ZSWIM6: variants seen among roughly 807,000 people sequenced by gnomAD.
The protein encoded by ZSWIM6 is zinc finger SWIM domain-containing protein 6.
In ZSWIM6, 9 loss-of-function variants were observed where a neutral mutation model predicts 113.2. That is an observed-to-expected ratio of 0.08 (90% CI 0.05 to 0.14). The LOEUF (loss-of-function observed/expected upper bound fraction) is 0.14, where lower values mean the gene tolerates loss of function less well. Among genes scored for constraint, ZSWIM6 ranks in the 10% least tolerant of loss-of-function variants. ZSWIM6 has a pLI of 1.00. For missense variants in ZSWIM6, 1,162 were observed against 1,552.2 expected, an observed-to-expected ratio of 0.75 and a Z score of 4.22; for synonymous variants, 611 against 606.5, an observed-to-expected ratio of 1.01 and a Z score of -0.11.
At chr5:61,361,079 G>A (rs370893695) in intron 1 of ZSWIM6, among the ~76,000 whole-genome samples, 7 of 152,080 alleles carry the variant, frequency 4.6e-5, no homozygotes, top group African/African-American at 1.4e-4. Flanking sequence ...TGGGGGAGGG[G>A]GGTAAAGTCA....
In ZSWIM6 at chr5:61,421,080, AATTT is replaced by A. The variant is rs571007428; in HGVS notation, c.677-51588_677-51585del. 8.7e-4 allele frequency among the ~76,000 whole-genome samples: 132 copies of A among 151,662 alleles called. 1 individual carries two copies. The highest frequency in any genetic ancestry group is 6.8e-3 in the Middle Eastern group (2 of 294). ...AATTACCGGCGCACCCTGCTCAGCT[AATTT>A]ATTTATTTATTTTTTATTAGAGATG... On this transcript the variant is annotated intron_variant, in intron 1 of 13. Coordinates refer to ENST00000252744, the MANE Select transcript of ZSWIM6 (RefSeq NM_020928.2).
At chr5:61,382,590 G>C (rs2112082379) in intron 1 of ZSWIM6, among the ~76,000 whole-genome samples, 1 of 152,252 alleles carries the variant, frequency 6.6e-6, no homozygotes, top group Admixed American at 6.5e-5. Flanking sequence ...GACCACCTGA[G>C]GTCAGGAGTT....
At chr5:61,461,737 T>C (rs1242341956) in intron 1 of ZSWIM6, among the ~76,000 whole-genome samples, 2 of 152,060 alleles carry the variant, frequency 1.3e-5, no homozygotes, top group Admixed American at 1.3e-4. Flanking sequence ...TGAAAGCAGT[T>C]TTTTTTTCTT....
chr5:61,350,660 A>G (rs959752558), intron 1 of ZSWIM6, among the ~76,000 whole-genome samples: 11 of 152,196 alleles, frequency 7.2e-5, no homozygotes, highest in African/African-American at 2.7e-4. Context: ...CATTTTAGGT[A>G]CTTGCACTTA....
intron 1 of ZSWIM6, among the ~76,000 whole-genome samples, chr5:61,351,859 C>T (rs1744792350): frequency 2.0e-5 from 3 of 152,198 alleles, no homozygotes; most frequent in Non-Finnish European, 4.4e-5. Context: ...TTTGTACACA[C>T]ATGCATGTGT....
intron 5 of ZSWIM6, among the ~76,000 whole-genome samples, chr5:61,521,840 C>G (rs80205024): frequency 0.15 from 22,059 of 152,018 alleles, 1,745 homozygotes; most frequent in Non-Finnish European, 0.18. Flanking sequence ...CTTGATCAAT[C>G]CATGTTTGAT....
At chr5:61,379,185 GAAAAA>G (rs1211778480) in intron 1 of ZSWIM6, among the ~76,000 whole-genome samples, 2 of 38,592 alleles carry the variant, frequency 5.2e-5, no homozygotes, top group Admixed American at 3.3e-4. Flanking sequence ...TCCTGTCTCT[GAAAAA>G]AAAAAAAAAA....
intron 6 of ZSWIM6, 86 bp downstream of exon 6, chr5:61,526,062 T>G: frequency 1.3e-6 from 2 of 1,483,042 alleles, no homozygotes; most frequent in Non-Finnish European, 1.8e-6. Flanking sequence ...GGTGGAGAAC[T>G]GAAGGATTCA....
chr5:61,461,030 G>A (rs1321045527), intron 1 of ZSWIM6, among the ~76,000 whole-genome samples: 1 of 152,124 alleles, frequency 6.6e-6, no homozygotes, highest in African/African-American at 2.4e-5. Context: ...AGGCAGATGA[G>A]TAAAAATTAT....
intron 1 of ZSWIM6, among the ~76,000 whole-genome samples, chr5:61,382,164 C>G (rs1324208875): frequency 9.9e-5 from 15 of 152,176 alleles, no homozygotes. Flanking sequence ...CTGTGTCATG[C>G]ATGCCGATTC....
intron 5 of ZSWIM6, among the ~76,000 whole-genome samples, chr5:61,522,495 T>C (rs77042696): frequency 0.011 from 1,635 of 152,320 alleles, 18 homozygotes; most frequent in Middle Eastern, 0.027. Context: ...GATGTTAGTA[T>C]AGTGTTTTTA....
chr5:61,504,716 C>G (rs1466236761), intron 4 of ZSWIM6, among the ~76,000 whole-genome samples: 1 of 152,108 alleles, frequency 6.6e-6, no homozygotes, highest in East Asian at 1.9e-4. Context: ...TCTTGATTGT[C>G]TTTTGTCCTA....
At chr5:61,337,973 T>G (rs1744439753) in intron 1 of ZSWIM6, among the ~76,000 whole-genome samples, 1 of 152,140 alleles carries the variant, frequency 6.6e-6, no homozygotes, top group African/African-American at 2.4e-5. Flanking sequence ...CATATGTGTG[T>G]GTGTGTGTGC....
At chr5:61,447,772 C>T (rs1372761060) in intron 1 of ZSWIM6, among the ~76,000 whole-genome samples, 1 of 152,176 alleles carries the variant, frequency 6.6e-6, no homozygotes. Context: ...AAGCCAATCA[C>T]TGAGACAGTG....
intron 1 of ZSWIM6, among the ~76,000 whole-genome samples, chr5:61,361,642 A>C (rs890661546): frequency 9.9e-5 from 15 of 152,204 alleles, no homozygotes; most frequent in African/African-American, 3.4e-4. Flanking sequence ...GTTTGTTTCC[A>C]GGGAACCCCC....
intron 1 of ZSWIM6, among the ~76,000 whole-genome samples, chr5:61,381,567 A>G (rs1011250149): frequency 6.6e-6 from 1 of 152,200 alleles, no homozygotes; most frequent in Non-Finnish European, 1.5e-5. Context: ...ATAAAAGTAC[A>G]TGCTTGCCTC....
At chr5:61,363,921 C>T (rs896051186) in intron 1 of ZSWIM6, among the ~76,000 whole-genome samples, 2 of 147,470 alleles carry the variant, frequency 1.4e-5, no homozygotes, top group South Asian at 4.3e-4. Context: ...TCCATTCTTC[C>T]TCCCTCCCTC....
intron 1 of ZSWIM6, among the ~76,000 whole-genome samples, chr5:61,411,575 T>C (rs1249426423): frequency 2.0e-5 from 3 of 152,236 alleles, no homozygotes; most frequent in African/African-American, 4.8e-5. Context: ...CCACTCAGGC[T>C]CCTATAACAA....
In ZSWIM6 at chr5:61,545,306, A is replaced by C. The variant is rs890977884; in HGVS notation, c.*989A>C. ...ACAGACACACACACACACCACCAAC[A>C]ACCACCACTACACCACACATGCTTA... On this transcript the variant is annotated 3_prime_UTR_variant, in exon 14 of 14. Transcript: ENST00000252744. The C allele has an allele frequency of 2.0e-5, 3 of 151,990 alleles. No homozygotes were observed. Among genetic ancestry groups the C allele is most frequent in the Non-Finnish European group, 2.9e-5 (2 of 68,012 alleles). The allele number at this position is 151,990 out of a possible 1,614,324, so 9.4% of individuals were successfully genotyped here. A position where few individuals can be genotyped will look rare whatever the true frequency, so the allele number is the denominator to read the frequency against.
Sources: allele counts gnomAD v4.1 joint callset (sites outside exome capture counted in the v4.1 genomes callset), GRCh38; gene constraint gnomAD v4.1.1; transcripts MANE v1.5; gene names NCBI Gene and HGNC (gene_info 2026-07-23, HGNC 2026-07-21).